Variants in TBC1D22A observed in about 807,000 individuals in gnomAD.
TBC1D22A encodes TBC1 domain family member 22A, also known as putative GTPase activator.
In TBC1D22A, 38 loss-of-function variants were observed where a neutral mutation model predicts 60.2. That is an observed-to-expected ratio of 0.63 (90% confidence interval 0.49 to 0.83). The LOEUF (loss-of-function observed/expected upper bound fraction) is 0.83. Among genes scored for constraint, TBC1D22A ranks in the 40% least tolerant of loss-of-function variants. TBC1D22A has a pLI of 0.00. For synonymous variants in TBC1D22A, 302 were observed against 281.7 expected, an observed-to-expected ratio of 1.07 and a Z score of -0.72; for missense variants, 628 against 701.0, an observed-to-expected ratio of 0.90 and a Z score of 1.18.
At chr22:46,881,396 GC>G (rs2067843648) in intron 5 of TBC1D22A, among the ~76,000 whole-genome samples, 1 of 152,102 alleles carries the variant, frequency 6.6e-6, no homozygotes, top group Non-Finnish European at 1.5e-5. Flanking sequence ...TTTTTCTCTT[GC>G]CCCCTCCAAC....
At chr22:47,051,422 C>T (rs1035378604) in intron 11 of TBC1D22A, among the ~76,000 whole-genome samples, 1 of 152,164 alleles carries the variant, frequency 6.6e-6, no homozygotes, top group Non-Finnish European at 1.5e-5. Flanking sequence ...AGTCTAGTTC[C>T]GGAATTACGG....
intron 10 of TBC1D22A, among the ~76,000 whole-genome samples, chr22:46,998,825 AC>A (rs1218645220): frequency 6.6e-6 from 1 of 152,298 alleles, no homozygotes; most frequent in South Asian, 2.1e-4. Flanking sequence ...CTGCTTTTCA[AC>A]CCATCATCTG....
chr22:47,051,596 T>G (rs976951664), intron 11 of TBC1D22A, among the ~76,000 whole-genome samples: 1 of 152,132 alleles, frequency 6.6e-6, no homozygotes, highest in African/African-American at 2.4e-5. Flanking sequence ...CAGCCATGCT[T>G]TTCAGGTCCC....
At chr22:47,040,392 A>G (rs1249485402) in intron 11 of TBC1D22A, among the ~76,000 whole-genome samples, 1 of 152,182 alleles carries the variant, frequency 6.6e-6, no homozygotes, top group African/African-American at 2.4e-5. Flanking sequence ...ACAATTAGAC[A>G]TGAGATTTGG....
chr22:47,132,084 A>G (rs558239756), intron 12 of TBC1D22A, among the ~76,000 whole-genome samples: 46 of 152,128 alleles, frequency 3.0e-4, no homozygotes, highest in South Asian at 1.9e-3. Flanking sequence ...CTGCACATAC[A>G]TCCTTGAGGG....
At chr22:47,034,468 C>T (rs1229954339) in intron 10 of TBC1D22A, among the ~76,000 whole-genome samples, 2 of 20,124 alleles carry the variant, frequency 9.9e-5, no homozygotes, top group African/African-American at 1.2e-3. Context: ...CCTGTGCTCC[C>T]GTGGTGATGA....
chr22:47,164,918 G>C (rs140828257), intron 12 of TBC1D22A, among the ~76,000 whole-genome samples: 2 of 152,308 alleles, frequency 1.3e-5, no homozygotes, highest in African/African-American at 2.4e-5. Context: ...AAGGCCCGGG[G>C]GTTTGGGTAG....
At chr22:46,964,607 G>A (rs1306468909) in intron 8 of TBC1D22A, among the ~76,000 whole-genome samples, 3 of 152,188 alleles carry the variant, frequency 2.0e-5, no homozygotes, top group Admixed American at 2.0e-4. Flanking sequence ...TGGACCGTCT[G>A]TCCAATTTTG....
intron 11 of TBC1D22A, among the ~76,000 whole-genome samples, chr22:47,071,117 A>G (rs1054337072): frequency 9.9e-5 from 15 of 152,252 alleles, no homozygotes; most frequent in African/African-American, 3.6e-4. Flanking sequence ...TTTCTTTTTA[A>G]TGAGCAACTG....
intron 10 of TBC1D22A, among the ~76,000 whole-genome samples, chr22:47,024,347 G>T (rs1414109058): frequency 1.3e-5 from 2 of 152,166 alleles, no homozygotes; most frequent in African/African-American, 4.8e-5. Flanking sequence ...ATAGTAGTAT[G>T]GCAGGTTCTA....
chr22:47,066,324 G>A (rs539394151), intron 11 of TBC1D22A, among the ~76,000 whole-genome samples: 1 of 152,218 alleles, frequency 6.6e-6, no homozygotes, highest in Non-Finnish European at 1.5e-5. Flanking sequence ...CACCCACGAG[G>A]GGGGTTCCTC....
intron 8 of TBC1D22A, among the ~76,000 whole-genome samples, chr22:46,934,084 G>T (rs1215834736): frequency 1.3e-5 from 2 of 152,202 alleles, no homozygotes; most frequent in African/African-American, 4.8e-5. Flanking sequence ...AAACAAAATG[G>T]CACAGGCAAG....
chr22:47,063,498 T>C (rs2063651743), intron 11 of TBC1D22A, among the ~76,000 whole-genome samples: 1 of 152,068 alleles, frequency 6.6e-6, no homozygotes, highest in Non-Finnish European at 1.5e-5. Context: ...AGCCTGGCCA[T>C]TGTGGTACAA....
At chr22:47,003,093 C>G (rs1315866927) in intron 10 of TBC1D22A, among the ~76,000 whole-genome samples, 2 of 152,102 alleles carry the variant, frequency 1.3e-5, no homozygotes, top group African/African-American at 4.8e-5. Context: ...CTAGGGGCGC[C>G]AAACTGAGCA....
intron 4 of TBC1D22A, among the ~76,000 whole-genome samples, chr22:46,816,250 G>A (rs966981142): frequency 3.3e-5 from 5 of 152,144 alleles, no homozygotes; most frequent in African/African-American, 7.2e-5. Context: ...CATGTGCCTC[G>A]TTCCCCCACA....
At chr22:47,030,883 G>T (rs1168476318) in intron 10 of TBC1D22A, among the ~76,000 whole-genome samples, 2 of 152,252 alleles carry the variant, frequency 1.3e-5, no homozygotes, top group Non-Finnish European at 2.9e-5. Context: ...GACGGGAGGA[G>T]GCTTTCCCGC....
chr22:46,964,139 G>C (rs2073683112), intron 8 of TBC1D22A, among the ~76,000 whole-genome samples: 1 of 152,220 alleles, frequency 6.6e-6, no homozygotes, highest in Admixed American at 6.5e-5. Context: ...ACTTGTTGGA[G>C]CCTTGGTTTC....
At chr22:47,052,131 T>C (rs905347138) in intron 11 of TBC1D22A, among the ~76,000 whole-genome samples, 2 of 152,138 alleles carry the variant, frequency 1.3e-5, no homozygotes, top group African/African-American at 2.4e-5. Flanking sequence ...ATGGGTTCAT[T>C]TGGAGAGCAG....
chr22:46,992,189 A>G (rs1447897628), intron 9 of TBC1D22A, among the ~76,000 whole-genome samples: 1 of 152,246 alleles, frequency 6.6e-6, no homozygotes, highest in Non-Finnish European at 1.5e-5. Context: ...GCAAGGATGC[A>G]GAGGAGACTC....
Sources: allele counts gnomAD v4.1 joint callset (sites outside exome capture counted in the v4.1 genomes callset), GRCh38; gene constraint gnomAD v4.1.1; transcripts MANE v1.5; gene names NCBI Gene and HGNC (gene_info 2026-07-23, HGNC 2026-07-21).